The following RBFOX1 variants were observed in gnomAD, a reference collection of about 807,000 sequenced individuals.
RBFOX1 encodes RNA binding fox-1 homolog 1, also known as RNA binding protein fox-1 homolog 1.
In RBFOX1, 8 loss-of-function variants were observed where a neutral mutation model predicts 57.7. That is an observed-to-expected ratio of 0.14 (90% confidence interval 0.08 to 0.25). The LOEUF is 0.25. RBFOX1 is among the 10% of genes least tolerant of loss of function. RBFOX1 has a pLI of 1.00. For missense variants in RBFOX1, 611 were observed against 548.5 expected, an observed-to-expected ratio of 1.11 and a Z score of -1.14; for synonymous variants, 326 against 222.4, an observed-to-expected ratio of 1.47 and a Z score of -4.15.
intron 2 of RBFOX1, among the ~76,000 whole-genome samples, chr16:6,547,254 C>A (rs181212871): frequency 2.0e-5 from 3 of 152,168 alleles, no homozygotes; most frequent in South Asian, 2.1e-4. Flanking sequence ...CCTCCTCTTT[C>A]TTCCTGGGAA....
chr16:6,111,959 G>A (rs957151210), intron 1 of RBFOX1, among the ~76,000 whole-genome samples: 4 of 152,110 alleles, frequency 2.6e-5, no homozygotes, highest in Admixed American at 6.5e-5. Context: ...ATATGCTAAA[G>A]GTGTGATTAT....
Position 5,854,646 on chromosome 16 carries a change from A to G in RBFOX1, c.319-12657A>G, listed in dbSNP as rs528803093. On this transcript the variant is annotated intron_variant, in intron 3 of 19. Coordinates refer to the RBFOX1 transcript ENST00000641259. ...TTTCTTCGTTCATCTGTTAGTGGAG[A>G]CCTAGGTTGTTTCCATACTTTGCTG... 3.0e-3 allele frequency among the ~76,000 whole-genome samples: 453 copies of G among 152,052 alleles called. 2 individuals carry two copies. Among genetic ancestry groups the G allele is most frequent in the Non-Finnish European group, 2.9e-3 (200 of 67,980 alleles).
chr16:7,367,342 G>A (rs757340575), intron 4 of RBFOX1, among the ~76,000 whole-genome samples: 1 of 152,216 alleles, frequency 6.6e-6, no homozygotes, highest in South Asian at 2.1e-4. Flanking sequence ...GTCACAAGCA[G>A]AGCTGCACAG....
chr16:5,622,815 C>T (rs747308683), intron 3 of RBFOX1, among the ~76,000 whole-genome samples: 15 of 152,214 alleles, frequency 9.9e-5, no homozygotes, highest in African/African-American at 3.4e-4. Flanking sequence ...TTCAACCAAC[C>T]TCGATTCAAA....
At chr16:6,751,268 G>A (rs1453485958) in intron 3 of RBFOX1, among the ~76,000 whole-genome samples, 1 of 152,140 alleles carries the variant, frequency 6.6e-6, no homozygotes, top group African/African-American at 2.4e-5. Context: ...TAGAATGGAT[G>A]GGGAGTAGGT....
At chr16:7,084,839 C>G (rs1430615579) in intron 4 of RBFOX1, among the ~76,000 whole-genome samples, 1 of 151,298 alleles carries the variant, frequency 6.6e-6, no homozygotes, top group African/African-American at 2.5e-5. Context: ...GCAATCTTGT[C>G]TGTCTGTCTG....
intron 3 of RBFOX1, among the ~76,000 whole-genome samples, chr16:6,961,742 G>C (rs954387609): frequency 5.3e-5 from 8 of 152,164 alleles, no homozygotes; most frequent in African/African-American, 9.7e-5. Context: ...GCTTGTGATT[G>C]TTTCACGGCG....
chr16:5,534,524 C>A lies in RBFOX1; in HGVS notation c.259-64378C>A, dbSNP rs571699940. ...TAAGAGTCAAAAGGTCATTGAAGAACCTGGAGTATCTGATGTGGAAGGGCT... is the reference window on the plus strand; with the variant it reads ...TAAGAGTCAAAAGGTCATTGAAGAAACTGGAGTATCTGATGTGGAAGGGCT... On this transcript the variant is annotated intron_variant, in intron 2 of 2. Coordinates refer to the RBFOX1 transcript ENST00000585867. 9.9e-5 allele frequency among the ~76,000 whole-genome samples: 15 copies of A among 152,268 alleles called. No homozygotes were observed. In the East Asian group the frequency reaches 2.9e-3, roughly 29 times the overall value.
At chr16:7,562,607 G>A (rs1345490667) in intron 5 of RBFOX1, among the ~76,000 whole-genome samples, 1 of 152,194 alleles carries the variant, frequency 6.6e-6, no homozygotes, top group African/African-American at 2.4e-5. Flanking sequence ...AGCCCCAGCA[G>A]AATGAGATGG....
At chr16:6,565,043 A>G (rs985948931) in intron 2 of RBFOX1, among the ~76,000 whole-genome samples, 1 of 149,706 alleles carries the variant, frequency 6.7e-6, no homozygotes, top group Non-Finnish European at 1.5e-5. Flanking sequence ...CTAAACAAGA[A>G]TTGCTTGAAC....
At chr16:7,429,573 C>T (rs908654199) in intron 4 of RBFOX1, among the ~76,000 whole-genome samples, 1 of 152,316 alleles carries the variant, frequency 6.6e-6, no homozygotes, top group East Asian at 1.9e-4. Flanking sequence ...CTCTCATACA[C>T]CCAGAGCCTA....
intron 4 of RBFOX1, among the ~76,000 whole-genome samples, chr16:5,875,020 G>C (rs952327919): frequency 1.8e-4 from 27 of 152,158 alleles, no homozygotes; most frequent in Admixed American, 8.5e-4. Context: ...AATAAGCAGA[G>C]AGAAGAAATA....
intron 2 of RBFOX1, among the ~76,000 whole-genome samples, chr16:5,541,522 G>A (rs765011074): frequency 1.6e-4 from 25 of 152,254 alleles, no homozygotes; most frequent in Non-Finnish European, 3.2e-4. Flanking sequence ...TCACTGGTAG[G>A]TGAGAGACAA....
At chr16:6,396,430 A>G (rs1046046121) in intron 2 of RBFOX1, among the ~76,000 whole-genome samples, 8 of 152,228 alleles carry the variant, frequency 5.3e-5, no homozygotes, top group African/African-American at 1.7e-4. Flanking sequence ...AATGAAAGAC[A>G]CATAGATAGA....
intron 4 of RBFOX1, among the ~76,000 whole-genome samples, chr16:7,359,442 C>T (rs543056740): frequency 6.6e-6 from 1 of 152,236 alleles, no homozygotes; most frequent in African/African-American, 2.4e-5. Flanking sequence ...AATAATTTAC[C>T]TTCATTAAAT....
At position 6,148,415 on chromosome 16, in the gene RBFOX1, C is replaced by T. The variant is rs1223271878; in HGVS notation, c.-127+128423C>T. Among the ~76,000 whole-genome samples, 2 of 152,226 alleles carry T rather than the reference C, an allele frequency of 1.3e-5. 1 individual carries two copies. Among genetic ancestry groups the T allele is most frequent in the South Asian group, 4.1e-4 (2 of 4,832 alleles). On this transcript the variant is annotated intron_variant, in intron 1 of 15. Coordinates refer to ENST00000550418, the MANE Select transcript of RBFOX1 (RefSeq NM_018723.4). Reference sequence around the variant, plus strand: ...TTTTCTATTTCTCAAACTCCTCAAGCTCATTCTAGTCTTAGAATTTTGTTC... The same window carrying T: ...TTTTCTATTTCTCAAACTCCTCAAGTTCATTCTAGTCTTAGAATTTTGTTC...
chr16:6,701,039 G>C (rs562338871), intron 3 of RBFOX1, among the ~76,000 whole-genome samples: 10 of 152,114 alleles, frequency 6.6e-5, no homozygotes, highest in Non-Finnish European at 1.3e-4. Context: ...GGGCAGAGGG[G>C]GGGGTGAGTC....
chr16:6,056,173 TG>T (rs2095612136), intron 1 of RBFOX1, among the ~76,000 whole-genome samples: 1 of 152,170 alleles, frequency 6.6e-6, no homozygotes, highest in Non-Finnish European at 1.5e-5. Flanking sequence ...CCAAGGTGTT[TG>T]TCAGTGTCTC....
chr16:5,812,907 C>G (rs911163504), intron 3 of RBFOX1, among the ~76,000 whole-genome samples: 3 of 151,988 alleles, frequency 2.0e-5, no homozygotes, highest in African/African-American at 4.8e-5. Context: ...GGTGAAGTTT[C>G]TGCTCAAATA....
Sources: allele counts gnomAD v4.1 joint callset (sites outside exome capture counted in the v4.1 genomes callset), GRCh38; gene constraint gnomAD v4.1.1; transcripts MANE v1.5; gene names NCBI Gene and HGNC (gene_info 2026-07-23, HGNC 2026-07-21).